Variants in SSMEM1 observed in about 807,000 individuals in gnomAD.
SSMEM1 encodes the protein serine-rich single-pass membrane protein 1.
In SSMEM1, 12 loss-of-function variants were observed where a neutral mutation model predicts 9.9. That is an observed-to-expected ratio of 1.21 (90% CI 0.78 to 1.96). The LOEUF (loss-of-function observed/expected upper bound fraction) is 1.96, where lower values mean the gene tolerates loss of function less well. SSMEM1 is among the 30% of genes most tolerant of loss of function. The pLI is 0.00. For missense variants in SSMEM1, 259 were observed against 292.2 expected (o/e 0.89, Z 0.83); for synonymous variants, 96 against 98.9 (o/e 0.97, Z 0.17).
At chr7:130,214,591 ACAAG>A (rs1379126455) in intron 2 of SSMEM1, among the ~76,000 whole-genome samples, 3 of 152,166 alleles carry the variant, frequency 2.0e-5, no homozygotes, top group African/African-American at 7.2e-5. Flanking sequence ...CAATTGATGA[ACAAG>A]TATAGTTCCA....
chr7:130,214,462 C>A (rs1798665443), intron 2 of SSMEM1, among the ~76,000 whole-genome samples: 1 of 151,868 alleles, frequency 6.6e-6, no homozygotes, highest in African/African-American at 2.4e-5. Context: ...TATATCACAC[C>A]ATTTAAAATA....
intron 1 of SSMEM1, among the ~76,000 whole-genome samples, chr7:130,208,972 C>T (rs1798541226): frequency 6.6e-6 from 1 of 152,114 alleles, no homozygotes; most frequent in East Asian, 1.9e-4. Context: ...AAGTGACTCT[C>T]CTGCCTCAGC....
At chr7:130,205,906 C>T (rs1798447640), upstream of SSMEM1, among the ~76,000 whole-genome samples, 1 of 152,060 alleles carries the variant, frequency 6.6e-6, no homozygotes, top group African/African-American at 2.4e-5. Context: ...GATTTCCTAA[C>T]CTCAAGGGAT....
chr7:130,216,065 C>T lies in SSMEM1; in HGVS notation c.330C>T (p.Thr110=). 6.2e-7 allele frequency: 1 copy of T among 1,614,158 alleles called. No homozygotes were observed. The highest frequency in any genetic ancestry group is 8.5e-7 in the Non-Finnish European group (1 of 1,180,032). The change falls in exon 3 of 3, where the codon ACC becomes ACT. Residue 110 remains threonine, a synonymous_variant. Transcript: ENST00000297819. ...AGAAACCAAAGCAGAACCAACTTAC[C>T]CCTGTAACCAACTCAGAAGTGGCTT... ...TMKKPKQNQL[T]PVTNSEVALV... is the part of the protein sequence containing the mutation.
Position 130,216,515 on chromosome 7 carries a change from G to T in SSMEM1, c.*45G>T, listed in dbSNP as rs752873594. ...TCACTTGAAGCCAAATGAAAGAGAT[G>T]AATAAAACATGAAAAATCACCAGAG... On this transcript the variant is annotated 3_prime_UTR_variant, in exon 3 of 3. Transcript: ENST00000297819. The T allele has an allele frequency of 6.3e-7, 1 of 1,577,374 alleles. No individual in the cohort carries two copies. The highest frequency in any genetic ancestry group is 1.4e-5 in the African/African-American group (1 of 73,304).
At chr7:130,205,437 C>G (rs954368288), upstream of SSMEM1, 16 of 1,612,418 alleles carry the variant, frequency 9.9e-6, no homozygotes, top group African/African-American at 1.9e-4. Context: ...AAGCCAAGCT[C>G]AAGCGGGAGG....
At chr7:130,206,714 C>T (rs1162335466), upstream of SSMEM1, among the ~76,000 whole-genome samples, 2 of 152,256 alleles carry the variant, frequency 1.3e-5, no homozygotes, top group African/African-American at 2.4e-5. Context: ...CGGCCGGGCG[C>T]GGTGGCTCAC....
chr7:130,208,189 T>C (rs1798525351), intron 1 of SSMEM1, 96 bp downstream of exon 1: 1 of 1,234,978 alleles, frequency 8.1e-7, no homozygotes, highest in Admixed American at 2.6e-5. Flanking sequence ...AAACTACTTT[T>C]AAAAGTTGTT....
intron 1 of SSMEM1, among the ~76,000 whole-genome samples, chr7:130,210,963 CAAAAT>C (rs1056838555): frequency 4.6e-5 from 7 of 152,012 alleles, no homozygotes; most frequent in African/African-American, 1.7e-4. Context: ...GGGCAGAAGA[CAAAAT>C]AAAATAAAAA....
chr7:130,206,651 C>T (rs1428621557), upstream of SSMEM1, among the ~76,000 whole-genome samples: 7 of 152,136 alleles, frequency 4.6e-5, no homozygotes, highest in Non-Finnish European at 8.8e-5. Context: ...GATGAACTAA[C>T]TGGAAAATTG....
At chr7:130,212,990 A>G (rs1384317105) in intron 1 of SSMEM1, among the ~76,000 whole-genome samples, 1 of 152,160 alleles carries the variant, frequency 6.6e-6, no homozygotes, top group Non-Finnish European at 1.5e-5. Context: ...CAGGAACTCA[A>G]TACATACTGA....
chr7:130,212,680 G>A lies in SSMEM1; in HGVS notation c.184-800G>A, dbSNP rs369232069. Among the ~76,000 whole-genome samples, 25 of 151,370 alleles carry A rather than the reference G, an allele frequency of 1.7e-4. No homozygotes were observed. The East Asian group carries it at 3.7e-3, about 22-fold the overall frequency. On this transcript the variant is annotated intron_variant, in intron 1 of 2. Coordinates refer to ENST00000297819, the MANE Select transcript of SSMEM1 (RefSeq NM_145268.4). Reference sequence around the variant, plus strand: ...GCGGAGATTTCAGTGAGCTGAGATCGCACCATTGTACTCTAGCCTGGGCAT... The same window carrying A: ...GCGGAGATTTCAGTGAGCTGAGATCACACCATTGTACTCTAGCCTGGGCAT...
chr7:130,208,532 C>T (rs1404232580), intron 1 of SSMEM1, among the ~76,000 whole-genome samples: 1 of 151,990 alleles, frequency 6.6e-6, no homozygotes, highest in Admixed American at 6.5e-5. Flanking sequence ...TTGATTGCAC[C>T]AAAAAATTGT....
intron 2 of SSMEM1, among the ~76,000 whole-genome samples, chr7:130,214,989 T>C (rs1798675952): frequency 6.6e-6 from 1 of 152,212 alleles, no homozygotes; most frequent in African/African-American, 2.4e-5. Flanking sequence ...TGGGAGGAGA[T>C]GTGCAGTAGT....
chr7:130,214,183 AAGC>A (rs1240573526), intron 2 of SSMEM1, among the ~76,000 whole-genome samples: 1 of 152,220 alleles, frequency 6.6e-6, no homozygotes, highest in African/African-American at 2.4e-5. Flanking sequence ...CCAGAGGCTG[AAGC>A]AGGAGAACTG....
chr7:130,214,923 A>G (rs1798674590), intron 2 of SSMEM1, among the ~76,000 whole-genome samples: 1 of 152,244 alleles, frequency 6.6e-6, no homozygotes, highest in African/African-American at 2.4e-5. Context: ...CGTGGTATAA[A>G]TACTTCCACC....
intron 1 of SSMEM1, among the ~76,000 whole-genome samples, chr7:130,212,385 T>A (rs1798607316): frequency 6.6e-6 from 1 of 152,178 alleles, no homozygotes; most frequent in South Asian, 2.1e-4. Context: ...GTCTTCTGTC[T>A]TAAAGAACTA....
intron 1 of SSMEM1, 49 bp from the exon 2 acceptor site, chr7:130,213,431 A>G (rs1384446006): frequency 4.6e-6 from 7 of 1,524,628 alleles, no homozygotes; most frequent in Non-Finnish European, 5.4e-6. Context: ...AGTACATATT[A>G]TCAAAAAACA....
Position 130,208,056 on chromosome 7 carries a change from T to A in SSMEM1, c.146T>A (p.Val49Glu). 1 of 1,614,078 alleles carries A rather than the reference T, an allele frequency of 6.2e-7. No individual in the cohort carries two copies. The highest frequency in any genetic ancestry group is 8.5e-7 in the Non-Finnish European group (1 of 1,179,972). ...GSFLLWYFVI[V>E]FVLMFFSRAS... ...TTCCTGCTTTGGTATTTTGTTATCGTATTTGTCCTGATGTTCTTCTCTAGG... is the reference window on the plus strand; with the variant it reads ...TTCCTGCTTTGGTATTTTGTTATCGAATTTGTCCTGATGTTCTTCTCTAGG... Residue 49 changes from valine to glutamate, a missense_variant, in exon 1 of 3, where the codon GTA (valine) becomes GAA (glutamate). Transcript: ENST00000297819.
Sources: allele counts gnomAD v4.1 joint callset (sites outside exome capture counted in the v4.1 genomes callset), GRCh38; gene constraint gnomAD v4.1.1; transcripts MANE v1.5; gene names NCBI Gene and HGNC (gene_info 2026-07-23, HGNC 2026-07-21).